Variants in FCHO1 observed in about 807,000 individuals in gnomAD.
The protein encoded by FCHO1 is FCH and mu domain containing endocytic adaptor 1, also known as F-BAR domain only protein 1.
Under a neutral mutation model 114.4 loss-of-function variants are expected in FCHO1, and 45 were observed. That is an observed-to-expected ratio of 0.39 (90% CI 0.31 to 0.50). The LOEUF (loss-of-function observed/expected upper bound fraction) is 0.50, where lower values mean the gene tolerates loss of function less well. Ranked by LOEUF, FCHO1 falls within the 20% of genes least tolerant of loss-of-function variation. The pLI, the probability that FCHO1 is intolerant of heterozygous loss-of-function variation, is 0.77. For synonymous variants in FCHO1, 480 were observed against 488.9 expected (o/e 0.98, Z 0.24); for missense variants, 1,042 against 1,209.6 (o/e 0.86, Z 2.06).
At chr19:17,774,795 C>T in intron 13 of FCHO1, 1 of 583,562 alleles carries the variant, frequency 1.7e-6, no homozygotes, top group Non-Finnish European at 3.0e-6. Context: ...CCCGACTTTC[C>T]CTATCTTCAC....
chr19:17,788,199 A>C, intron 28 of FCHO1, 85 bp from the exon 29 acceptor site: 1 of 991,094 alleles, frequency 1.0e-6, no homozygotes, highest in Non-Finnish European at 1.6e-6. Flanking sequence ...GACAAGGATG[A>C]TTGAAGCATC....
chr19:17,765,754 C>CAA (rs1239321663), intron 6 of FCHO1, among the ~76,000 whole-genome samples: 1 of 151,772 alleles, frequency 6.6e-6, no homozygotes, highest in Non-Finnish European at 1.5e-5. Context: ...TGCTATGAGG[C>CAA]AAAAGTTCTG....
At position 17,779,142 on chromosome 19, in the gene FCHO1, T is replaced by C. The variant is rs565859909; in HGVS notation, c.1627+258T>C. 4.3e-4 allele frequency among the ~76,000 whole-genome samples: 66 copies of C among 151,832 alleles called. 1 individual carries two copies. Among genetic ancestry groups the C allele is most frequent in the Admixed American group, 3.1e-3 (47 of 15,262 alleles). On this transcript the variant is annotated intron_variant, in intron 20 of 28. Coordinates refer to ENST00000596536, the MANE Select transcript of FCHO1 (RefSeq NM_015122.3). ...AGGTGAGGACAGAACCACGTGGACATGAGGGGAAAGGCGTGCTGGGCAGAG... is the reference window on the plus strand; with the variant it reads ...AGGTGAGGACAGAACCACGTGGACACGAGGGGAAAGGCGTGCTGGGCAGAG...
In FCHO1 at chr19:17,783,063, G is replaced by T; in HGVS notation, c.1984G>T (p.Gly662Cys). Residue 662 changes from glycine (G) to cysteine (C), a missense_variant, in exon 24 of 29, where the codon GGC (glycine) becomes TGC (cysteine). Gly to Cys is a radical substitution (Grantham distance 159). Around this residue, in one of 3 missense-constraint regions of FCHO1, gnomAD observed 455 missense variants for 455.4 expected, o/e 1.00. Transcript: ENST00000596536. ...TGELTMTFPA[G>C]IVRVFSGTPP... ...GGAGCTGACCATGACCTTCCCTGCTGGCATCGTGCGTGTGTTCAGCGGGAC... is the reference window on the plus strand; with the variant it reads ...GGAGCTGACCATGACCTTCCCTGCTTGCATCGTGCGTGTGTTCAGCGGGAC... 1.2e-6 allele frequency: 2 copies of T among 1,614,120 alleles called. No homozygotes were observed. The highest frequency in any genetic ancestry group is 1.7e-6 in the Non-Finnish European group (2 of 1,180,020).
At position 17,778,486 on chromosome 19, in the gene FCHO1, G is replaced by A; in HGVS notation, c.1352-123G>A. 9.0e-6 allele frequency: 10 copies of A among 1,117,312 alleles called. No individual in the cohort carries two copies. In the East Asian group the frequency reaches 1.3e-4, roughly 14 times the overall value. The allele number at this position is 1,117,312 out of a possible 1,614,324, so 69.2% of individuals were successfully genotyped here. The stretch of plus-strand genomic sequence containing the variant: ...CCAGAAGGTGTAGCCTTGGGGGCGT[G>A]CACAAGGACTTTGAATGGGGGCCCC... On this transcript the variant is annotated intron_variant, in intron 19 of 28. Transcript: ENST00000596536.
intron 13 of FCHO1, 90 bp from the exon 14 acceptor site, chr19:17,774,966 C>T: frequency 6.9e-7 from 1 of 1,439,112 alleles, no homozygotes. Flanking sequence ...CTGGGAGCTG[C>T]CCCAGCTTCC....
chr19:17,777,852 A>G (rs1043653824), intron 18 of FCHO1, among the ~76,000 whole-genome samples: 2 of 152,086 alleles, frequency 1.3e-5, no homozygotes, highest in Non-Finnish European at 2.9e-5. Context: ...CAGGCTGGCC[A>G]GCATGGTAAA....
intron 9 of FCHO1, among the ~76,000 whole-genome samples, chr19:17,771,346 G>A (rs1238303539): frequency 6.9e-6 from 1 of 145,654 alleles, no homozygotes; most frequent in Non-Finnish European, 1.5e-5. Flanking sequence ...CATTCAAACC[G>A]ACAGGTGTAT....
upstream of FCHO1, among the ~76,000 whole-genome samples, chr19:17,750,822 C>CTTTTT (rs1326515643): frequency 2.8e-5 from 4 of 143,782 alleles, no homozygotes; most frequent in African/African-American, 2.6e-5. Context: ...CTTCCCCTTT[C>CTTTTT]TTTTCTTTTT....
intron 26 of FCHO1, 31 bp from the exon 27 acceptor site, chr19:17,786,543 G>T: frequency 6.2e-7 from 1 of 1,608,788 alleles, no homozygotes; most frequent in East Asian, 2.2e-5. Flanking sequence ...CCTCTCTGGG[G>T]AAGCCCTGAT....
At chr19:17,765,711 TC>T (rs1227691877) in intron 6 of FCHO1, among the ~76,000 whole-genome samples, 4 of 151,532 alleles carry the variant, frequency 2.6e-5, no homozygotes, top group African/African-American at 7.3e-5. Context: ...CATAATGTGG[TC>T]CCCCGATGGC....
chr19:17,762,351 G>T (rs2086637405), intron 4 of FCHO1, among the ~76,000 whole-genome samples: 1 of 151,170 alleles, frequency 6.6e-6, no homozygotes, highest in Non-Finnish European at 1.5e-5. Context: ...AAGGTTCACG[G>T]TTTCCATTTG....
chr19:17,769,758 G>GC (rs1599664715), intron 7 of FCHO1, among the ~76,000 whole-genome samples: 1 of 152,192 alleles, frequency 6.6e-6, no homozygotes, highest in East Asian at 1.9e-4. Context: ...GGACTTCTAG[G>GC]CTGGAGGGCC....
At chr19:17,786,361 A>AAC (rs4007691) in intron 26 of FCHO1, among the ~76,000 whole-genome samples, 1,974 of 149,082 alleles carry the variant, frequency 0.013, 22 homozygotes, top group Non-Finnish European at 0.02. Context: ...ACACAAAACA[A>AAC]ACACACACAC....
Position 17,781,763 on chromosome 19 carries a change from C to A in FCHO1, c.1880C>A (p.Pro627His). ...PVVLGSQDALPIATAFTEYVH... is the reference protein window; with the variant it reads ...PVVLGSQDALHIATAFTEYVH... ...GTCCTGGGCTCCCAGGATGCCCTGCCCATAGCCACAGCCTTCACAGAGTAT... is the reference window on the plus strand; with the variant it reads ...GTCCTGGGCTCCCAGGATGCCCTGCACATAGCCACAGCCTTCACAGAGTAT... Residue 627 changes from proline to histidine, a missense_variant, in exon 23 of 29, where the codon CCC (proline) becomes CAC (histidine). Transcript: ENST00000596536. 1.2e-6 allele frequency: 2 copies of A among 1,611,854 alleles called. No individual in the cohort carries two copies. Among genetic ancestry groups the A allele is most frequent in the Non-Finnish European group, 8.5e-7 (1 of 1,178,860 alleles).
rs2092907901 is a variant in FCHO1, at chr19:17,778,309, G to A, written c.1351+81G>A. On this transcript the variant is annotated intron_variant, in intron 19 of 28. Coordinates refer to ENST00000596536, the MANE Select transcript of FCHO1 (RefSeq NM_015122.3). ...GGCCATTGCAGAGTTAGGCCAATGA[G>A]GTCCCCTGGAAGCCAGGCTGGAGGG... 8 of 1,225,386 alleles carry A rather than the reference G, an allele frequency of 6.5e-6. No homozygotes were observed. The Admixed American group carries it at 6.8e-5, about 10-fold the overall frequency. The allele number at this position is 1,225,386 out of a possible 1,614,324, so 75.9% of individuals were successfully genotyped here. A position where few individuals can be genotyped will look rare whatever the true frequency, so the allele number is the denominator to read the frequency against.
At chr19:17,764,990 G>A (rs1480117809) in intron 6 of FCHO1, among the ~76,000 whole-genome samples, 1 of 151,610 alleles carries the variant, frequency 6.6e-6, no homozygotes, top group Admixed American at 6.6e-5. Context: ...CTTGAACCCA[G>A]GAGGCGGAGG....
At chr19:17,755,359 C>T in intron 4 of FCHO1, 168 bp downstream of exon 4, 1 of 629,216 alleles carries the variant, frequency 1.6e-6, no homozygotes. Flanking sequence ...CCACACCCAC[C>T]CCAGACCTCA....
Position 17,751,610 on chromosome 19 carries a change from C to A in FCHO1, c.-183+33C>A. ...TGAGCCCTGGCCAGTAGATACCCAT[C>A]ATCTCGCCTTGGCCCCCCTCAGGAA... On this transcript the variant is annotated intron_variant, in intron 1 of 28. Transcript: ENST00000596536. The surrounding 1 kb of genome is among the most constrained non-coding windows in gnomAD (Gnocchi z 4.4). 6.6e-6 allele frequency: 1 copy of A among 152,514 alleles called. No homozygotes were observed. Among genetic ancestry groups the A allele is most frequent in the South Asian group, 2.1e-4 (1 of 4,836 alleles). 9.4% of individuals were successfully genotyped at this position (152,514 alleles called of 1,614,324 possible).
Sources: allele counts gnomAD v4.1 joint callset (sites outside exome capture counted in the v4.1 genomes callset), GRCh38; gene constraint gnomAD v4.1.1; regional missense constraint gnomAD v4.1.1; non-coding constraint Gnocchi (gnomAD v3.1); transcripts MANE v1.5; gene names NCBI Gene and HGNC (gene_info 2026-07-23, HGNC 2026-07-21).